DDO: variants seen among roughly 807,000 people sequenced by gnomAD.
DDO encodes D-aspartate oxidase, DDO.
Under a neutral mutation model 16.8 loss-of-function variants are expected in DDO, and 16 were observed. That is an observed-to-expected ratio of 0.95 (90% CI 0.65 to 1.45). The LOEUF (loss-of-function observed/expected upper bound fraction) is 1.45. DDO is among the 40% of genes most tolerant of loss of function. The pLI is 0.00. For missense variants in DDO, 429 were observed against 420.3 expected, an observed-to-expected ratio of 1.02 and a Z score of -0.18; for synonymous variants, 180 against 167.2, an observed-to-expected ratio of 1.08 and a Z score of -0.59.
intron 4 of DDO, among the ~76,000 whole-genome samples, chr6:110,394,059 T>C (rs549618756): frequency 6.6e-6 from 1 of 152,320 alleles, no homozygotes; most frequent in African/African-American, 2.4e-5. Flanking sequence ...ACATTTACCT[T>C]GTTGTGCAAC....
At position 110,392,079 on chromosome 6, in the gene DDO, T is replaced by C; in HGVS notation, c.*696A>G. On this transcript the variant is annotated 3_prime_UTR_variant, in exon 5 of 5. Coordinates refer to ENST00000368924, the MANE Select transcript of DDO (RefSeq NM_001372108.2). Reference sequence around the variant, plus strand: ...TGACATACATAGGCAACTTCATCTCTGTCTCCTACCATCATTACCAGCTGA... The same window carrying C: ...TGACATACATAGGCAACTTCATCTCCGTCTCCTACCATCATTACCAGCTGA... 1.6e-6 allele frequency: 1 copy of C among 634,874 alleles called. No homozygotes were observed. Among genetic ancestry groups the C allele is most frequent in the Non-Finnish European group, 2.0e-6 (1 of 509,786 alleles). The allele number at this position is 634,874 out of a possible 1,614,324, so 39.3% of individuals were successfully genotyped here.
chr6:110,389,895 G>A (rs563962033), downstream of DDO, among the ~76,000 whole-genome samples: 1 of 152,218 alleles, frequency 6.6e-6, no homozygotes, highest in Non-Finnish European at 1.5e-5. Context: ...TTGTAGATAA[G>A]GGAATTGGTT....
chr6:110,402,215 G>T (rs1202404345), intron 4 of DDO, among the ~76,000 whole-genome samples: 1 of 152,154 alleles, frequency 6.6e-6, no homozygotes, highest in Non-Finnish European at 1.5e-5. Flanking sequence ...TGTGTTGTGT[G>T]TATTTATATT....
Position 110,404,793 on chromosome 6 carries a change from G to T in DDO, c.439C>A (p.Leu147Ile). The T allele has an allele frequency of 6.2e-7, 1 of 1,614,054 alleles. No homozygotes were observed. The highest frequency in any genetic ancestry group is 8.5e-7 in the Non-Finnish European group (1 of 1,179,990). ...TTLKCECPAY[L>I]PWLEKRIKGS... is the part of the protein sequence containing the mutation. ...ACTGACCTTTTCTCCAACCACGGGA[G>T]GTAGGCAGGGCATTCACATTTCAGG... The change falls in exon 4 of 5, where the codon CTC becomes ATC. Residue 147 changes from leucine to isoleucine, a missense_variant. Transcript: ENST00000368924.
intron 2 of DDO, among the ~76,000 whole-genome samples, chr6:110,409,712 A>G (rs553027357): frequency 1.3e-5 from 2 of 152,372 alleles, no homozygotes; most frequent in South Asian, 2.1e-4. Context: ...TAAGGAATAA[A>G]TAAATAATAA....
rs554302141 is a variant in DDO at position 110,404,622 on chromosome 6, T to C, written c.458+152A>G. On this transcript the variant is annotated intron_variant, in intron 4 of 4. Transcript: ENST00000368924. ...TGACATAAACACTGTCTTCAGATTG[T>C]TTTACAAAGCCCTAGCCATTTGTGA... 1.9e-4 allele frequency: 136 copies of C among 700,556 alleles called. 1 individual carries two copies. The East Asian group carries it at 3.4e-3, about 18-fold the overall frequency. 43.4% of individuals were successfully genotyped at this position (700,556 alleles called of 1,614,324 possible).
chr6:110,397,464 C>A (rs1018108297), intron 4 of DDO, among the ~76,000 whole-genome samples: 3 of 152,062 alleles, frequency 2.0e-5, no homozygotes, highest in Non-Finnish European at 4.4e-5. Flanking sequence ...CTCTAGATAT[C>A]CTAATTAATT....
At chr6:110,405,020 G>T in intron 3 of DDO, 70 bp from the exon 4 acceptor site, 1 of 1,394,146 alleles carries the variant, frequency 7.2e-7, no homozygotes, top group South Asian at 1.2e-5. Context: ...AACTTCACAT[G>T]ACATTCTCTA....
chr6:110,404,717 A>C, intron 4 of DDO, 57 bp downstream of exon 4: 1 of 1,575,578 alleles, frequency 6.3e-7, no homozygotes, highest in Non-Finnish European at 8.7e-7. Context: ...ATGAATAGCT[A>C]CGAAGTGATT....
At chr6:110,404,291 G>C (rs1305109779) in intron 4 of DDO, among the ~76,000 whole-genome samples, 1 of 152,120 alleles carries the variant, frequency 6.6e-6, no homozygotes, top group Non-Finnish European at 1.5e-5. Flanking sequence ...CTTAGTTTCA[G>C]AGTTCTTATT....
chr6:110,396,153 G>A (rs1373515999), intron 4 of DDO, among the ~76,000 whole-genome samples: 2 of 152,216 alleles, frequency 1.3e-5, no homozygotes. Context: ...ATTCCATCAA[G>A]TACAAGCCAC....
intron 4 of DDO, among the ~76,000 whole-genome samples, chr6:110,393,676 A>G (rs1213242768): frequency 6.6e-6 from 1 of 152,214 alleles, no homozygotes; most frequent in Non-Finnish European, 1.5e-5. Flanking sequence ...TAAATGTCCA[A>G]GCATTTCTTA....
chr6:110,401,364 A>T (rs1344149047), intron 4 of DDO, among the ~76,000 whole-genome samples: 2 of 152,152 alleles, frequency 1.3e-5, no homozygotes, highest in Non-Finnish European at 2.9e-5. Flanking sequence ...GTTTGTGTTA[A>T]GGGAAAGGTG....
intron 4 of DDO, among the ~76,000 whole-genome samples, chr6:110,394,344 C>G (rs572273587): frequency 6.6e-6 from 1 of 152,100 alleles, no homozygotes; most frequent in Non-Finnish European, 1.5e-5. Context: ...TGAGCTCAGT[C>G]GATCCACCTG....
intron 2 of DDO, among the ~76,000 whole-genome samples, chr6:110,413,049 G>A (rs779666511): frequency 8.5e-5 from 13 of 152,190 alleles, no homozygotes; most frequent in Non-Finnish European, 1.8e-4. Context: ...AGGCTGAGAT[G>A]GGAGGATCAC....
At chr6:110,401,765 G>A (rs944017493) in intron 4 of DDO, among the ~76,000 whole-genome samples, 1 of 152,152 alleles carries the variant, frequency 6.6e-6, no homozygotes, top group Admixed American at 6.5e-5. Flanking sequence ...AAAACTCGTA[G>A]GTGAAAGTAC....
intron 2 of DDO, 47 bp from the exon 3 acceptor site, chr6:110,408,489 A>G: frequency 6.5e-7 from 1 of 1,545,914 alleles, no homozygotes; most frequent in Non-Finnish European, 8.9e-7. Flanking sequence ...GAAAATGATG[A>G]TAATGACAGT....
intron 2 of DDO, among the ~76,000 whole-genome samples, chr6:110,410,845 GT>G (rs1470526544): frequency 6.6e-6 from 1 of 152,122 alleles, no homozygotes; most frequent in African/African-American, 2.4e-5. Context: ...AGGTGCCTGT[GT>G]TTGTTTCCTG....
chr6:110,393,346 CG>C lies in DDO; in HGVS notation c.459-5del. ...CCAGCCTCCACTTCCCTTTATCCTACGGAAGAGAGGCCATGAAGTGAATATT... is the reference window on the plus strand; with the variant it reads ...CCAGCCTCCACTTCCCTTTATCCTACGAAGAGAGGCCATGAAGTGAATATT... On this transcript the variant is annotated splice_polypyrimidine_tract_variant and splice_region_variant and intron_variant, in intron 4 of 4. Transcript: ENST00000368924. 6.3e-7 allele frequency: 1 copy of C among 1,583,716 alleles called. No individual in the cohort carries two copies. The highest frequency in any genetic ancestry group is 8.6e-7 in the Non-Finnish European group (1 of 1,162,186).
Sources: gnomAD v4.1 joint callset for allele counts (sites outside exome capture counted in the v4.1 genomes callset) on GRCh38, gnomAD v4.1.1 for gene constraint, MANE v1.5 for transcripts, NCBI Gene and HGNC (gene_info 2026-07-23, HGNC 2026-07-21) for gene names.